Variants in GYG1 observed in about 807,000 individuals in gnomAD.
GYG1 encodes the protein glycogenin 1.
In GYG1, 44 loss-of-function variants were observed where a neutral mutation model predicts 41.9. That is an observed-to-expected ratio of 1.05 (90% CI 0.83 to 1.35). The LOEUF is 1.35. GYG1 is among the 40% of genes most tolerant of loss of function. The pLI is 0.00. For missense variants in GYG1, 429 were observed against 418.9 expected (o/e 1.02, Z -0.21); for synonymous variants, 141 against 158.1 (o/e 0.89, Z 0.81).
chr3:148,995,012 T>TAAAATACAAAC, intron 2 of GYG1, among the ~76,000 whole-genome samples: 1 of 152,184 alleles, frequency 6.6e-6, no homozygotes, highest in East Asian at 1.9e-4. Context: ...GAAACCCGTC[T>TAAAATACAAAC]CTACTAAAAA....
At chr3:149,012,157 G>T (rs1156516337) in intron 5 of GYG1, among the ~76,000 whole-genome samples, 2 of 151,020 alleles carry the variant, frequency 1.3e-5, no homozygotes, top group Non-Finnish European at 3.0e-5. Context: ...TTATTATAAG[G>T]TAATATAAAA....
intron 4 of GYG1, among the ~76,000 whole-genome samples, chr3:149,006,803 T>G (rs886489984): frequency 5.9e-5 from 9 of 152,230 alleles, no homozygotes; most frequent in African/African-American, 2.2e-4. Context: ...CCTCAGCCAT[T>G]AGTGTCTAGT....
At chr3:148,998,772 T>C (rs928235856) in intron 4 of GYG1, among the ~76,000 whole-genome samples, 1 of 152,234 alleles carries the variant, frequency 6.6e-6, no homozygotes, top group African/African-American at 2.4e-5. Flanking sequence ...CTACTGCTTA[T>C]ACTGAAAGTT....
intron 4 of GYG1, chr3:149,003,873 G>A (rs1713245765): frequency 6.6e-6 from 1 of 152,196 alleles, no homozygotes; most frequent in Admixed American, 6.5e-5. Context: ...GCAAACTGTG[G>A]AAGAGCACGC....
chr3:149,010,917 G>GT (rs1025906664), intron 5 of GYG1, among the ~76,000 whole-genome samples: 1 of 152,134 alleles, frequency 6.6e-6, no homozygotes, highest in Non-Finnish European at 1.5e-5. Context: ...AGTCCTCTCC[G>GT]TAAGTCTTAC....
rs753659148 is a variant in GYG1, at chr3:149,029,800, G to C, written c.*2867G>C. On this transcript the variant is annotated 3_prime_UTR_variant, in exon 8 of 8. Coordinates refer to ENST00000345003, the MANE Select transcript of GYG1 (RefSeq NM_004130.4). The stretch of plus-strand genomic sequence containing the variant: ...CCAATTCTAGAGCTGTAATTTTAAG[G>C]ACAAAATGTACAATGATTGATTAAG... 6.6e-6 allele frequency among the ~76,000 whole-genome samples: 1 copy of C among 152,130 alleles called. No individual in the cohort carries two copies. Among genetic ancestry groups the C allele is most frequent in the Non-Finnish European group, 1.5e-5 (1 of 68,012 alleles).
intron 4 of GYG1, among the ~76,000 whole-genome samples, chr3:148,997,485 A>G (rs1328130913): frequency 1.3e-5 from 2 of 152,214 alleles, no homozygotes. Context: ...TCCATTTTCT[A>G]TAACATATAA....
intron 5 of GYG1, among the ~76,000 whole-genome samples, chr3:149,011,691 C>T (rs893357566): frequency 2.0e-5 from 3 of 152,172 alleles, no homozygotes; most frequent in Admixed American, 6.5e-5. Context: ...ATTTTATATC[C>T]TCCAAATGAA....
rs1431458334 is a variant in GYG1, at chr3:149,030,088, G to A, written c.*3155G>A. 6.6e-6 allele frequency: 1 copy of A among 152,140 alleles called. No homozygotes were observed. Among genetic ancestry groups the A allele is most frequent in the African/African-American group, 2.4e-5 (1 of 41,442 alleles). 9.4% of individuals were successfully genotyped at this position (152,140 alleles called of 1,614,324 possible). On this transcript the variant is annotated 3_prime_UTR_variant, in exon 8 of 8. Transcript: ENST00000345003. ...TCACAATTAATGAAGGATTTTATTTGAAGATAAAGTCAAAATTATGGCACC... is the reference window on the plus strand; with the variant it reads ...TCACAATTAATGAAGGATTTTATTTAAAGATAAAGTCAAAATTATGGCACC...
At chr3:149,018,960 C>G (rs1181776499) in intron 5 of GYG1, among the ~76,000 whole-genome samples, 1 of 150,974 alleles carries the variant, frequency 6.6e-6, no homozygotes, top group Non-Finnish European at 1.5e-5. Flanking sequence ...GTCCCAGCTA[C>G]TTGGGAGGCT....
Position 149,009,259 on chromosome 3 carries a change from A to G in GYG1, c.482-17A>G. 6.3e-7 allele frequency: 1 copy of G among 1,590,142 alleles called. No homozygotes were observed. The highest frequency in any genetic ancestry group is 8.6e-7 in the Non-Finnish European group (1 of 1,158,388). ...TCTAGAGATCTGTTAACTAATTTATATATTTTTTTCTTTTAGGTGGGGACC... is the reference window on the plus strand; with the variant it reads ...TCTAGAGATCTGTTAACTAATTTATGTATTTTTTTCTTTTAGGTGGGGACC... On this transcript the variant is annotated splice_polypyrimidine_tract_variant and intron_variant, in intron 4 of 7. Transcript: ENST00000345003.
At chr3:149,009,219 A>G (rs1713578246) in intron 4 of GYG1, 57 bp from the exon 5 acceptor site, 1 of 1,382,448 alleles carries the variant, frequency 7.2e-7, no homozygotes, top group Non-Finnish European at 1.0e-6. Context: ...GTGCTCCTAT[A>G]AAATTATTAA....
intron 4 of GYG1, among the ~76,000 whole-genome samples, chr3:148,997,646 A>C (rs894123719): frequency 2.0e-5 from 3 of 152,260 alleles, no homozygotes; most frequent in African/African-American, 7.2e-5. Context: ...ACAAAAACAC[A>C]CAGGACAAAA....
intron 5 of GYG1, among the ~76,000 whole-genome samples, chr3:149,018,089 T>C (rs1394192598): frequency 6.6e-6 from 1 of 152,204 alleles, no homozygotes; most frequent in Non-Finnish European, 1.5e-5. Context: ...CGTTTGCCCT[T>C]ACTTCATTTT....
Position 148,991,761 on chromosome 3 carries a change from C to T in GYG1, c.7+114C>T. 5.7e-6 allele frequency: 5 copies of T among 875,502 alleles called. No homozygotes were observed. The South Asian group carries it at 6.5e-5, about 11-fold the overall frequency. 54.2% of individuals were successfully genotyped at this position (875,502 alleles called of 1,614,324 possible). On this transcript the variant is annotated intron_variant, in intron 1 of 7. Transcript: ENST00000345003. Reference sequence around the variant, plus strand: ...GAGTGTTCCCGGCAGGACGAAACCGCCGCAAAGTTGCTGGCTGGCCGCAGC... The same window carrying T: ...GAGTGTTCCCGGCAGGACGAAACCGTCGCAAAGTTGCTGGCTGGCCGCAGC...
chr3:149,014,662 A>G (rs1246320891), intron 5 of GYG1, among the ~76,000 whole-genome samples: 2 of 151,862 alleles, frequency 1.3e-5, no homozygotes, highest in African/African-American at 2.4e-5. Flanking sequence ...CCTGGCCAAC[A>G]TGCTGAAACC....
intron 4 of GYG1, among the ~76,000 whole-genome samples, chr3:149,006,929 T>C (rs960125270): frequency 6.6e-6 from 1 of 152,212 alleles, no homozygotes; most frequent in Non-Finnish European, 1.5e-5. Context: ...GCTAAAATTG[T>C]CTTTGGTTCT....
intron 4 of GYG1, among the ~76,000 whole-genome samples, chr3:149,006,485 A>G (rs549414484): frequency 3.9e-5 from 6 of 152,340 alleles, no homozygotes; most frequent in African/African-American, 1.4e-4. Context: ...TTGATGTTAT[A>G]TAAATGAAAT....
At chr3:148,991,927 C>G (rs1444831204) in intron 1 of GYG1, among the ~76,000 whole-genome samples, 2 of 152,180 alleles carry the variant, frequency 1.3e-5, no homozygotes, top group Non-Finnish European at 2.9e-5. Context: ...GCTCTCACGG[C>G]GAAGGGCCGG....
Sources: gnomAD v4.1 joint callset for allele counts (sites outside exome capture counted in the v4.1 genomes callset) on GRCh38, gnomAD v4.1.1 for gene constraint, MANE v1.5 for transcripts, NCBI Gene and HGNC (gene_info 2026-07-23, HGNC 2026-07-21) for gene names.